The following PSME3IP1 variants were observed in gnomAD, a reference collection of about 807,000 sequenced individuals.
The protein encoded by PSME3IP1 is proteasome activator subunit 3 interacting protein 1.
A neutral mutation model predicts 34.1 loss-of-function variants in PSME3IP1; 13 were observed. The observed-to-expected ratio is 0.38, with a 90% confidence interval of 0.25 to 0.61. The LOEUF (loss-of-function observed/expected upper bound fraction) is 0.61. PSME3IP1 is among the 20% of genes least tolerant of loss of function. PSME3IP1 has a pLI of 0.60. For synonymous variants in PSME3IP1, 93 were observed against 114.3 expected, an observed-to-expected ratio of 0.81 and a Z score of 1.19; for missense variants, 237 against 301.4, an observed-to-expected ratio of 0.79 and a Z score of 1.58.
At chr16:57,177,824 T>A (rs767484438) in intron 1 of PSME3IP1, among the ~76,000 whole-genome samples, 48 of 152,210 alleles carry the variant, frequency 3.2e-4, no homozygotes, top group Admixed American at 1.6e-3. Flanking sequence ...CCCCCATCTC[T>A]ACAAAAAATT....
chr16:57,157,535 G>A (rs2070700172), intron 6 of PSME3IP1, among the ~76,000 whole-genome samples: 1 of 152,012 alleles, frequency 6.6e-6, no homozygotes, highest in South Asian at 2.1e-4. Flanking sequence ...TCAGGGGAAA[G>A]GAAATGAGTG....
intron 6 of PSME3IP1, among the ~76,000 whole-genome samples, chr16:57,162,435 C>T (rs2071361584): frequency 6.6e-6 from 1 of 151,984 alleles, no homozygotes; most frequent in Non-Finnish European, 1.5e-5. Flanking sequence ...GAGGCCGAGG[C>T]AGGTGGATCA....
intron 5 of PSME3IP1, among the ~76,000 whole-genome samples, chr16:57,166,042 C>T (rs1463246899): frequency 6.6e-6 from 1 of 152,200 alleles, no homozygotes; most frequent in African/African-American, 2.4e-5. Flanking sequence ...GTTTGGGTAG[C>T]GAGCCCTTCT....
intron 3 of PSME3IP1, 82 bp from the exon 4 acceptor site, chr16:57,172,454 G>T: frequency 6.9e-7 from 1 of 1,452,144 alleles, no homozygotes. Context: ...TAAATAAGCA[G>T]CAGATTCTTC....
At chr16:57,175,199 G>A (rs2073065531) in intron 1 of PSME3IP1, among the ~76,000 whole-genome samples, 2 of 152,106 alleles carry the variant, frequency 1.3e-5, no homozygotes, top group African/African-American at 2.4e-5. Context: ...ATTTTTAGTA[G>A]AGATGGGGTT....
chr16:57,155,285 C>G (rs984843602), intron 6 of PSME3IP1, among the ~76,000 whole-genome samples: 1 of 152,128 alleles, frequency 6.6e-6, no homozygotes, highest in African/African-American at 2.4e-5. Flanking sequence ...ACAGGAAACC[C>G]ACAGTTACTC....
chr16:57,164,939 G>A (rs1360342299), intron 5 of PSME3IP1, among the ~76,000 whole-genome samples: 1 of 151,684 alleles, frequency 6.6e-6, no homozygotes, highest in East Asian at 1.9e-4. Context: ...GCTGAGGCAT[G>A]AGAATCGCTT....
Position 57,163,037 on chromosome 16 carries a change from C to T in PSME3IP1, c.547+964G>A, listed in dbSNP as rs565714677. ...AAAATTAGCCAGGTGTGGTGGCGCA[C>T]GCCTGTAATCCCAAATACTCGGGAG... On this transcript the variant is annotated intron_variant, in intron 6 of 6. Transcript: ENST00000309137. 7.6e-4 allele frequency among the ~76,000 whole-genome samples: 115 copies of T among 152,140 alleles called. 1 individual carries two copies. The South Asian group carries it at 0.022, about 30-fold the overall frequency.
chr16:57,184,134 C>T (rs1278600629), intron 1 of PSME3IP1, among the ~76,000 whole-genome samples: 2 of 151,572 alleles, frequency 1.3e-5, no homozygotes, highest in Middle Eastern at 3.2e-3. Context: ...TTTCAGAGGC[C>T]GAGTTTAATA....
At chr16:57,185,054 G>A (rs560867148) in intron 1 of PSME3IP1, among the ~76,000 whole-genome samples, 1 of 152,352 alleles carries the variant, frequency 6.6e-6, no homozygotes, top group East Asian at 1.9e-4. Context: ...GTCACAGGTG[G>A]TAGGCAAGAG....
intron 1 of PSME3IP1, chr16:57,178,517 C>T (rs2073404864): frequency 3.1e-6 from 3 of 983,236 alleles, no homozygotes; most frequent in Middle Eastern, 5.2e-4. Flanking sequence ...AAACCAACCA[C>T]GAGGAGCTGA....
chr16:57,181,838 T>C (rs781452835), intron 1 of PSME3IP1: 2 of 152,250 alleles, frequency 1.3e-5, no homozygotes, highest in Non-Finnish European at 2.9e-5. Context: ...GCAAGGCATG[T>C]GGGAAGGGCA....
chr16:57,174,778 G>A (rs762134258), intron 1 of PSME3IP1: 45 of 713,102 alleles, frequency 6.3e-5, no homozygotes, highest in Non-Finnish European at 7.2e-5. Context: ...GTACTTTCCT[G>A]AATACTAATC....
At chr16:57,185,135 G>A (rs16967424) in intron 1 of PSME3IP1, among the ~76,000 whole-genome samples, 14,020 of 152,222 alleles carry the variant, frequency 0.092, 797 homozygotes, top group East Asian at 0.23. Context: ...AACCAGTCGG[G>A]CTACCCGAGC....
chr16:57,172,524 T>C, intron 3 of PSME3IP1, 152 bp from the exon 4 acceptor site: 1 of 867,204 alleles, frequency 1.2e-6, no homozygotes, highest in South Asian at 1.8e-5. Context: ...TAACAGGGCA[T>C]AAAAAAAAAC....
chr16:57,160,215 G>A (rs1315348888), intron 6 of PSME3IP1, among the ~76,000 whole-genome samples: 2 of 151,698 alleles, frequency 1.3e-5, no homozygotes, highest in East Asian at 3.9e-4. Flanking sequence ...GCGTGAACCC[G>A]GGAAGCGGAG....
chr16:57,183,721 A>G (rs1007399581), intron 1 of PSME3IP1, among the ~76,000 whole-genome samples: 1 of 152,222 alleles, frequency 6.6e-6, no homozygotes, highest in African/African-American at 2.4e-5. Context: ...ATTAAGCCCA[A>G]TATTCAAAAT....
chr16:57,184,151 G>T (rs1348643799), intron 1 of PSME3IP1, among the ~76,000 whole-genome samples: 1 of 151,778 alleles, frequency 6.6e-6, no homozygotes, highest in East Asian at 1.9e-4. Flanking sequence ...AATAACAATG[G>T]AAATAACTTG....
chr16:57,163,979 A>C, intron 6 of PSME3IP1, 22 bp downstream of exon 6: 1 of 1,611,676 alleles, frequency 6.2e-7, no homozygotes. Flanking sequence ...AGTACAAGGA[A>C]GTAATGAAGG....
Sources: allele counts gnomAD v4.1 joint callset (sites outside exome capture counted in the v4.1 genomes callset), GRCh38; gene constraint gnomAD v4.1.1; transcripts MANE v1.5; gene names NCBI Gene and HGNC (gene_info 2026-07-23, HGNC 2026-07-21).